The following MCTP1 variants were observed in gnomAD, a reference collection of about 807,000 sequenced individuals.
MCTP1 encodes multiple C2 and transmembrane domain-containing protein 1.
MCTP1 carries 69 observed loss-of-function variants against 120.6 expected under a neutral mutation model. The ratio of observed to expected loss-of-function variants is 0.57; its 90% CI spans 0.47 to 0.70. The LOEUF is 0.70. Ranked by LOEUF, MCTP1 falls within the 30% of genes least tolerant of loss-of-function variation. The pLI is 0.00. For missense variants in MCTP1, 1,203 were observed against 1,248.8 expected, an observed-to-expected ratio of 0.96 and a Z score of 0.55; for synonymous variants, 529 against 493.1, an observed-to-expected ratio of 1.07 and a Z score of -0.96.
At chr5:94,798,924 G>A in intron 18 of MCTP1, 89 bp downstream of exon 18, 2 of 1,389,262 alleles carry the variant, frequency 1.4e-6, no homozygotes. Flanking sequence ...CAGAATTCCT[G>A]GTTTGTAAAG....
chr5:95,271,484 A>G (rs1759394456), intron 1 of MCTP1, among the ~76,000 whole-genome samples: 1 of 150,592 alleles, frequency 6.6e-6, no homozygotes. Flanking sequence ...AATGAACTAT[A>G]TCAATAGAGA....
intron 1 of MCTP1, among the ~76,000 whole-genome samples, chr5:95,260,491 G>A (rs541092419): frequency 3.9e-5 from 6 of 152,146 alleles, no homozygotes; most frequent in African/African-American, 9.6e-5. Context: ...ACCTCTCCTC[G>A]TCTGTGCATG....
At chr5:94,897,596 C>G (rs1270231822) in intron 10 of MCTP1, among the ~76,000 whole-genome samples, 1 of 152,122 alleles carries the variant, frequency 6.6e-6, no homozygotes, top group African/African-American at 2.4e-5. Context: ...AACTCCTGAC[C>G]TCAAATGATC....
At chr5:95,152,344 G>A (rs890701878) in intron 1 of MCTP1, among the ~76,000 whole-genome samples, 6 of 152,202 alleles carry the variant, frequency 3.9e-5, no homozygotes, top group East Asian at 3.8e-4. Context: ...CCTTAGGCAC[G>A]TCAGACTGAA....
intron 19 of MCTP1, among the ~76,000 whole-genome samples, chr5:94,753,465 A>G (rs1429659196): frequency 6.6e-6 from 1 of 152,202 alleles, no homozygotes; most frequent in Non-Finnish European, 1.5e-5. Context: ...CAAAAAATTC[A>G]TCGTGTAAAG....
intron 11 of MCTP1, among the ~76,000 whole-genome samples, 163 bp from the exon 12 acceptor site, chr5:94,889,135 G>C (rs1293555081): frequency 6.6e-6 from 1 of 152,042 alleles, no homozygotes; most frequent in Non-Finnish European, 1.5e-5. Flanking sequence ...CTCTTGGTGA[G>C]TTTTGGAAAT....
intron 11 of MCTP1, among the ~76,000 whole-genome samples, chr5:94,892,834 A>G (rs1340595403): frequency 6.6e-6 from 1 of 152,236 alleles, no homozygotes; most frequent in Non-Finnish European, 1.5e-5. Context: ...TATTTCAGAA[A>G]TGATATGGCA....
At chr5:95,272,310 T>C (rs1254008434) in intron 1 of MCTP1, among the ~76,000 whole-genome samples, 3 of 152,204 alleles carry the variant, frequency 2.0e-5, no homozygotes, top group Admixed American at 1.3e-4. Context: ...TTTCTTTATT[T>C]TCCCTGCTCA....
chr5:94,714,729 A>G, intron 20 of MCTP1, 48 bp downstream of exon 20: 1 of 1,103,256 alleles, frequency 9.1e-7, no homozygotes, highest in Non-Finnish European at 1.4e-6. Flanking sequence ...AAACAAATGG[A>G]CACCTTATCC....
chr5:94,796,529 C>A (rs1346720624), intron 18 of MCTP1, among the ~76,000 whole-genome samples: 2 of 147,574 alleles, frequency 1.4e-5, no homozygotes, highest in African/African-American at 5.0e-5. Context: ...GCAACCCCTA[C>A]AAACACTTTC....
At chr5:94,925,068 A>C (rs1457150940) in intron 6 of MCTP1, among the ~76,000 whole-genome samples, 1 of 152,214 alleles carries the variant, frequency 6.6e-6, no homozygotes, top group Admixed American at 6.5e-5. Context: ...ATTTCATTTT[A>C]CAACCCCTAT....
intron 11 of MCTP1, 143 bp downstream of exon 11, chr5:94,894,506 G>T: frequency 1.9e-6 from 1 of 531,752 alleles, no homozygotes; most frequent in Non-Finnish European, 3.3e-6. Flanking sequence ...GGTCTGTGTG[G>T]CATTTGTTTT....
At chr5:94,756,606 C>A (rs887032435) in intron 19 of MCTP1, among the ~76,000 whole-genome samples, 1 of 152,098 alleles carries the variant, frequency 6.6e-6, no homozygotes, top group South Asian at 2.1e-4. Context: ...ATAGTAGATG[C>A]AATTCCGGTT....
At chr5:94,714,656 A>G in intron 20 of MCTP1, 121 bp downstream of exon 20, 3 of 725,536 alleles carry the variant, frequency 4.1e-6, no homozygotes, top group Non-Finnish European at 2.5e-6. Context: ...GATGAAACTG[A>G]GCAATAGAGC....
chr5:94,869,106 A>T (rs1581118353), intron 16 of MCTP1, among the ~76,000 whole-genome samples: 1 of 151,948 alleles, frequency 6.6e-6, no homozygotes, highest in East Asian at 1.9e-4. Flanking sequence ...TATTAAAACG[A>T]GTATAGGAAA....
intron 17 of MCTP1, among the ~76,000 whole-genome samples, chr5:94,817,747 C>A (rs1784785180): frequency 6.6e-6 from 1 of 152,144 alleles, no homozygotes; most frequent in Non-Finnish European, 1.5e-5. Flanking sequence ...ATACATATTT[C>A]CTCTTCTCAT....
At chr5:95,004,771 T>C (rs1158763497) in intron 2 of MCTP1, among the ~76,000 whole-genome samples, 1 of 152,216 alleles carries the variant, frequency 6.6e-6, no homozygotes, top group Non-Finnish European at 1.5e-5. Context: ...AACACCTGGA[T>C]GTCCAGGCAG....
intron 1 of MCTP1, among the ~76,000 whole-genome samples, chr5:95,213,633 C>T (rs1264293517): frequency 6.6e-6 from 1 of 151,620 alleles, no homozygotes; most frequent in Non-Finnish European, 1.5e-5. Flanking sequence ...GCTACAGTAA[C>T]CAAAACAGCA....
intron 9 of MCTP1, among the ~76,000 whole-genome samples, chr5:94,911,050 A>G (rs1225481846): frequency 6.6e-6 from 1 of 152,196 alleles, no homozygotes; most frequent in Admixed American, 6.5e-5. Flanking sequence ...TGGACACTCC[A>G]ATCAGCCTGC....
Sources: allele counts gnomAD v4.1 joint callset (sites outside exome capture counted in the v4.1 genomes callset), GRCh38; gene constraint gnomAD v4.1.1; transcripts MANE v1.5; gene names NCBI Gene and HGNC (gene_info 2026-07-23, HGNC 2026-07-21).